The following PSMD1 variants were observed in gnomAD, a reference collection of about 807,000 sequenced individuals.
PSMD1 encodes proteasome 26S subunit, non-ATPase 1.
Under a neutral mutation model 119.0 loss-of-function variants are expected in PSMD1, and 18 were observed. The ratio of observed to expected loss-of-function variants is 0.15; its 90% CI spans 0.10 to 0.22. The LOEUF is 0.22. PSMD1 is among the 10% of genes least tolerant of loss of function. The pLI, the probability that PSMD1 is intolerant of heterozygous loss-of-function variation, is 1.00. For synonymous variants in PSMD1, 374 were observed against 396.6 expected, an observed-to-expected ratio of 0.94 and a Z score of 0.68; for missense variants, 702 against 1,158.5, an observed-to-expected ratio of 0.61 and a Z score of 5.72.
At chr2:231,126,866 G>A (rs1695733994) in intron 16 of PSMD1, among the ~76,000 whole-genome samples, 1 of 151,792 alleles carries the variant, frequency 6.6e-6, no homozygotes, top group Non-Finnish European at 1.5e-5. Context: ...GCATAGCTGA[G>A]AATCAAGAAA....
intron 16 of PSMD1, among the ~76,000 whole-genome samples, chr2:231,136,682 CACTG>C (rs768287940): frequency 6.6e-6 from 1 of 151,988 alleles, no homozygotes; most frequent in Non-Finnish European, 1.5e-5. Context: ...GCTACAAAAA[CACTG>C]ACTGTGTTCA....
chr2:231,102,011 T>C (rs979787721), intron 16 of PSMD1, among the ~76,000 whole-genome samples: 7 of 152,278 alleles, frequency 4.6e-5, no homozygotes, highest in African/African-American at 1.7e-4. Flanking sequence ...GCAAAGACAG[T>C]GTCTCACTGT....
intron 15 of PSMD1, 25 bp downstream of exon 15, chr2:231,085,139 A>G: frequency 6.3e-7 from 1 of 1,589,022 alleles, no homozygotes; most frequent in East Asian, 2.2e-5. Context: ...CTTTCTTGGG[A>G]ATGGGGTGGA....
chr2:231,091,243 A>G (rs1694582384), intron 16 of PSMD1, among the ~76,000 whole-genome samples: 1 of 152,242 alleles, frequency 6.6e-6, no homozygotes, highest in African/African-American at 2.4e-5. Flanking sequence ...CTGCACACGA[A>G]TGATCACAGA....
intron 16 of PSMD1, among the ~76,000 whole-genome samples, chr2:231,113,245 G>A (rs1308369228): frequency 6.6e-6 from 1 of 152,192 alleles, no homozygotes; most frequent in Admixed American, 6.5e-5. Context: ...GTACAGAAAT[G>A]TTGGCTTCCA....
chr2:231,059,344 A>T (rs188370092), intron 1 of PSMD1, among the ~76,000 whole-genome samples: 3 of 152,282 alleles, frequency 2.0e-5, no homozygotes, highest in East Asian at 3.9e-4. Context: ...GGTGCTAAAC[A>T]GGCTAGTCTC....
At chr2:231,076,757 A>T (rs1694176409) in intron 8 of PSMD1, among the ~76,000 whole-genome samples, 1 of 152,226 alleles carries the variant, frequency 6.6e-6, no homozygotes, top group Admixed American at 6.5e-5. Context: ...TCATTTAATA[A>T]AAAGTAATTT....
intron 12 of PSMD1, among the ~76,000 whole-genome samples, chr2:231,081,840 T>G (rs1257154776): frequency 6.6e-6 from 1 of 152,212 alleles, no homozygotes. Flanking sequence ...TTCCATTAGA[T>G]ACCTTTTTCT....
intron 10 of PSMD1, among the ~76,000 whole-genome samples, chr2:231,079,326 A>G (rs1694251635): frequency 6.6e-6 from 1 of 152,152 alleles, no homozygotes; most frequent in African/African-American, 2.4e-5. Flanking sequence ...GTTTTTATTT[A>G]TAGTAGAATT....
In PSMD1 at chr2:231,078,647, T is replaced by G; in HGVS notation, c.1072-12T>G. ...TGCCAGTGATGAAACAATTCTGTAT[T>G]TGTTGTTGCAGGATGCAGTACGGAA... On this transcript the variant is annotated splice_polypyrimidine_tract_variant and intron_variant, in intron 9 of 24. Transcript: ENST00000308696. 6.3e-7 allele frequency: 1 copy of G among 1,592,602 alleles called. No homozygotes were observed. Among genetic ancestry groups the G allele is most frequent in the Non-Finnish European group, 8.5e-7 (1 of 1,171,278 alleles).
intron 19 of PSMD1, among the ~76,000 whole-genome samples, chr2:231,160,030 T>C (rs1696599746): frequency 6.6e-6 from 1 of 152,184 alleles, no homozygotes; most frequent in Non-Finnish European, 1.5e-5. Flanking sequence ...TGCAGCCAGG[T>C]TCCTAACAGG....
At position 231,067,079 on chromosome 2, in the gene PSMD1, C is replaced by G. The variant is rs1298230050; in HGVS notation, c.478C>G (p.Leu160Val). 1.9e-6 allele frequency: 3 copies of G among 1,608,946 alleles called. No homozygotes were observed. The highest frequency in any genetic ancestry group is 2.5e-6 in the Non-Finnish European group (3 of 1,178,904). Residue 160 changes from leucine to valine, a missense_variant, in exon 5 of 25, where the codon CTG (leucine) becomes GTG (valine). By Grantham distance (32) the Leu-to-Val change is conservative. This residue lies in a region of PSMD1 where 58 missense variants were observed against 54.0 expected (regional missense o/e 1.07). Coordinates refer to ENST00000308696, the MANE Select transcript of PSMD1 (RefSeq NM_002807.4). ...AIGIALETRR[L>V]DVFEKTILES... ...TGGCATTGCTCTGGAGACACGAAGA[C>G]TGGACGTCTTTGAAAAGACCATACT...
At chr2:231,147,754 T>A (rs937162135) in intron 18 of PSMD1, among the ~76,000 whole-genome samples, 2 of 152,208 alleles carry the variant, frequency 1.3e-5, no homozygotes, top group Non-Finnish European at 2.9e-5. Context: ...TTAATCCTGC[T>A]CATATAATGG....
At position 231,170,956 on chromosome 2, in the gene PSMD1, C is replaced by T. The variant is rs1574783824; in HGVS notation, c.*9+235C>T. Among the ~76,000 whole-genome samples, 1 of 152,278 alleles carries T rather than the reference C, an allele frequency of 6.6e-6. No individual in the cohort carries two copies. The highest frequency in any genetic ancestry group is 1.9e-4 in the East Asian group (1 of 5,188). On this transcript the variant is annotated intron_variant, in intron 24 of 24. Coordinates refer to ENST00000308696, the MANE Select transcript of PSMD1 (RefSeq NM_002807.4). The surrounding 1 kb of genome is among the most constrained non-coding windows in gnomAD (Gnocchi z 4.1). ...TTATTCAAAGTGGCTGGTCTGCAAA[C>T]TATTTTTATAGGTCCATAAGGAGAT...
intron 24 of PSMD1, among the ~76,000 whole-genome samples, chr2:231,172,196 C>T (rs1407464971): frequency 1.3e-5 from 2 of 152,214 alleles, no homozygotes; most frequent in Non-Finnish European, 2.9e-5. Context: ...CTCAGTCTGT[C>T]TGAGAATTGA....
At chr2:231,108,865 C>A (rs1695054916) in intron 16 of PSMD1, 1 of 1,614,144 alleles carries the variant, frequency 6.2e-7, no homozygotes, top group South Asian at 1.1e-5. Flanking sequence ...AGCCTATCCA[C>A]ACAAATATCT....
At chr2:231,057,649 G>A (rs536709413) in intron 1 of PSMD1, among the ~76,000 whole-genome samples, 1 of 152,212 alleles carries the variant, frequency 6.6e-6, no homozygotes, top group African/African-American at 2.4e-5. Flanking sequence ...TATACTGAGA[G>A]CCTACTTATA....
chr2:231,109,760 CA>C (rs2047709856), intron 16 of PSMD1, among the ~76,000 whole-genome samples: 1 of 152,132 alleles, frequency 6.6e-6, no homozygotes, highest in Non-Finnish European at 1.5e-5. Flanking sequence ...AAGAGAAATT[CA>C]GAAGAGAACC....
At chr2:231,123,599 A>G (rs760491815) in intron 16 of PSMD1, 12 of 1,614,034 alleles carry the variant, frequency 7.4e-6, no homozygotes, top group Non-Finnish European at 1.0e-5. Flanking sequence ...AGAGCTGCCC[A>G]GTGCAGTTTA....
Sources: allele counts gnomAD v4.1 joint callset (sites outside exome capture counted in the v4.1 genomes callset), GRCh38; gene constraint gnomAD v4.1.1; regional missense constraint gnomAD v4.1.1; non-coding constraint Gnocchi (gnomAD v3.1); transcripts MANE v1.5; gene names NCBI Gene and HGNC (gene_info 2026-07-23, HGNC 2026-07-21).